Variants in THSD7B observed in about 807,000 individuals in gnomAD.
The protein encoded by THSD7B is thrombospondin type 1 domain containing 7B.
In THSD7B, 138 loss-of-function variants were observed where a neutral mutation model predicts 213.6. The ratio of observed to expected loss-of-function variants is 0.65; its 90% CI spans 0.56 to 0.74. THSD7B has a LOEUF of 0.74. Among genes scored for constraint, THSD7B ranks in the 30% least tolerant of loss-of-function variants. The pLI, the probability that THSD7B is intolerant of heterozygous loss-of-function variation, is 0.00. For missense variants in THSD7B, 1,931 were observed against 1,991.5 expected (o/e 0.97, Z 0.58); for synonymous variants, 742 against 687.0 (o/e 1.08, Z -1.25).
chr2:137,650,190 T>A (rs1289049347), intron 21 of THSD7B, among the ~76,000 whole-genome samples: 2 of 152,240 alleles, frequency 1.3e-5, no homozygotes, highest in Non-Finnish European at 2.9e-5. Flanking sequence ...ATCATTTTAA[T>A]ACTAGTTCTT....
At chr2:137,322,887 T>C (rs555829292) in intron 12 of THSD7B, among the ~76,000 whole-genome samples, 1 of 152,294 alleles carries the variant, frequency 6.6e-6, no homozygotes, top group South Asian at 2.1e-4. Flanking sequence ...TAGAGGGACA[T>C]GGAGGAGAGG....
At chr2:137,141,831 C>G (rs1679593385) in intron 5 of THSD7B, among the ~76,000 whole-genome samples, 1 of 152,108 alleles carries the variant, frequency 6.6e-6, no homozygotes, top group Admixed American at 6.6e-5. Flanking sequence ...ACACCTGGTA[C>G]TCACTGTTAC....
chr2:137,293,338 A>T (rs77332113), intron 12 of THSD7B, among the ~76,000 whole-genome samples: 4,050 of 151,978 alleles, frequency 0.027, 208 homozygotes, highest in African/African-American at 0.092. Flanking sequence ...GGGTTTTGCC[A>T]TGTTGCCCAG....
At chr2:137,116,465 T>C (rs1246351134) in intron 5 of THSD7B, among the ~76,000 whole-genome samples, 1 of 152,222 alleles carries the variant, frequency 6.6e-6, no homozygotes, top group Non-Finnish European at 1.5e-5. Flanking sequence ...CTTGGTGATC[T>C]TTCCATTCCA....
At chr2:137,262,041 G>A (rs954992704) in intron 10 of THSD7B, among the ~76,000 whole-genome samples, 13 of 152,084 alleles carry the variant, frequency 8.5e-5, no homozygotes, top group African/African-American at 3.1e-4. Context: ...TAAAAGCTGA[G>A]GATGCAAGGA....
At chr2:136,980,754 G>T (rs535015276) in intron 2 of THSD7B, among the ~76,000 whole-genome samples, 2 of 152,206 alleles carry the variant, frequency 1.3e-5, no homozygotes, top group Admixed American at 1.3e-4. Flanking sequence ...CCCTGGTGGT[G>T]TGGGTTCATG....
At chr2:136,865,263 C>T (rs372643155) in intron 1 of THSD7B, among the ~76,000 whole-genome samples, 1 of 152,116 alleles carries the variant, frequency 6.6e-6, no homozygotes, top group African/African-American at 2.4e-5. Context: ...GAGGGCTGGA[C>T]ATGTTTGGCT....
chr2:137,075,926 T>G (rs1478981209), intron 3 of THSD7B, among the ~76,000 whole-genome samples: 2 of 152,174 alleles, frequency 1.3e-5, no homozygotes, highest in Non-Finnish European at 2.9e-5. Flanking sequence ...CAAATGCTGC[T>G]GCCTGATTGT....
intron 10 of THSD7B, among the ~76,000 whole-genome samples, chr2:137,268,875 G>A (rs186294153): frequency 8.1e-4 from 124 of 152,286 alleles, no homozygotes; most frequent in Non-Finnish European, 1.5e-3. Context: ...AGTGTACACT[G>A]CCTGCCCTTG....
chr2:136,826,382 T>C (rs1480359061), intron 1 of THSD7B, among the ~76,000 whole-genome samples: 2 of 152,254 alleles, frequency 1.3e-5, no homozygotes, highest in Non-Finnish European at 2.9e-5. Context: ...GGATTCATCC[T>C]CTTTTCCCTG....
At chr2:137,152,679 C>T (rs1215719697) in intron 5 of THSD7B, among the ~76,000 whole-genome samples, 1 of 152,164 alleles carries the variant, frequency 6.6e-6, no homozygotes, top group South Asian at 2.1e-4. Context: ...CACTTGTGAT[C>T]ATTCCTGGGA....
chr2:136,935,095 A>C (rs1379534341), intron 2 of THSD7B, among the ~76,000 whole-genome samples: 1 of 152,184 alleles, frequency 6.6e-6, no homozygotes, highest in African/African-American at 2.4e-5. Flanking sequence ...TTCAAAGGCA[A>C]TTAGAGGTTC....
At chr2:137,504,998 A>T (rs769386799) in intron 15 of THSD7B, among the ~76,000 whole-genome samples, 2 of 151,828 alleles carry the variant, frequency 1.3e-5, no homozygotes, top group African/African-American at 4.8e-5. Flanking sequence ...GGAAAGCAGG[A>T]AGGGAGAAAG....
At chr2:137,122,361 G>A (rs1688560145) in intron 5 of THSD7B, among the ~76,000 whole-genome samples, 1 of 116,482 alleles carries the variant, frequency 8.6e-6, no homozygotes, top group African/African-American at 2.8e-5. Context: ...TGAGACATGG[G>A]GACATAGGGT....
intron 2 of THSD7B, among the ~76,000 whole-genome samples, chr2:136,891,116 C>T (rs2082116): frequency 0.35 from 53,595 of 151,038 alleles, 10,881 homozygotes; most frequent in East Asian, 0.97. Context: ...TTTTAAATTT[C>T]ATCTTGTTTC....
chr2:137,573,183 T>TATTC (rs1156374453), intron 17 of THSD7B, among the ~76,000 whole-genome samples: 3 of 152,084 alleles, frequency 2.0e-5, no homozygotes, highest in African/African-American at 4.8e-5. Context: ...TTCAACTTAC[T>TATTC]ATTCCCAGAA....
intron 12 of THSD7B, among the ~76,000 whole-genome samples, chr2:137,341,747 A>G (rs1048863722): frequency 6.6e-6 from 1 of 151,494 alleles, no homozygotes; most frequent in African/African-American, 2.4e-5. Context: ...GCATATTCTT[A>G]GGCACTTTTA....
intron 15 of THSD7B, among the ~76,000 whole-genome samples, chr2:137,550,500 T>C (rs1215732340): frequency 6.6e-6 from 1 of 152,124 alleles, no homozygotes; most frequent in African/African-American, 2.4e-5. Context: ...TTCTCTGCCA[T>C]TACAAATAAT....
At chr2:137,207,762 A>T (rs963833658) in intron 7 of THSD7B, among the ~76,000 whole-genome samples, 1 of 152,034 alleles carries the variant, frequency 6.6e-6, no homozygotes, top group Non-Finnish European at 1.5e-5. Context: ...GTGAGCTCCT[A>T]CTTATTCAAA....
Sources: gnomAD v4.1 joint callset for allele counts (sites outside exome capture counted in the v4.1 genomes callset) on GRCh38, gnomAD v4.1.1 for gene constraint, MANE v1.5 for transcripts, NCBI Gene and HGNC (gene_info 2026-07-23, HGNC 2026-07-21) for gene names.